Variants in GAB4 observed in about 807,000 individuals in gnomAD.
The protein encoded by GAB4 is GRB2 associated binding protein family member 4.
A neutral mutation model predicts 51.3 loss-of-function variants in GAB4; 26 were observed. The observed-to-expected ratio is 0.51, with a 90% CI of 0.37 to 0.70. The LOEUF is 0.70. Among genes scored for constraint, GAB4 ranks in the 30% least tolerant of loss-of-function variants. GAB4 has a pLI of 0.00. For missense variants in GAB4, 759 were observed against 734.6 expected (o/e 1.03, Z -0.38); for synonymous variants, 329 against 291.2 (o/e 1.13, Z -1.32).
intron 1 of GAB4, among the ~76,000 whole-genome samples, chr22:17,006,536 A>G (rs1488887473): frequency 1.3e-5 from 2 of 152,228 alleles, no homozygotes; most frequent in African/African-American, 4.8e-5. Context: ...AAATCATTCT[A>G]CTATAAAGAC....
rs2060640704 is a variant in GAB4 at position 16,962,894 on chromosome 22, G to T, written c.1582-18C>A. On this transcript the variant is annotated intron_variant, in intron 9 of 9. Transcript: ENST00000400588. ...ATGGATGGCTGAGGGACAGAGGGTG[G>T]AAGTGGGAGTGGCAGTGTCTGTGAG... is the stretch of plus-strand genomic sequence containing the variant. 1 of 1,605,924 alleles carries T rather than the reference G, an allele frequency of 6.2e-7. No homozygotes were observed. The highest frequency in any genetic ancestry group is 1.7e-5 in the Admixed American group (1 of 59,682).
intron 3 of GAB4, among the ~76,000 whole-genome samples, chr22:16,986,591 G>A (rs2060869970): frequency 6.6e-6 from 1 of 152,218 alleles, no homozygotes; most frequent in Admixed American, 6.5e-5. Flanking sequence ...TCCCAGAAAA[G>A]TGGCAGAACC....
At chr22:16,989,126 G>A (rs934973932) in intron 2 of GAB4, among the ~76,000 whole-genome samples, 2 of 152,130 alleles carry the variant, frequency 1.3e-5, no homozygotes, top group Non-Finnish European at 2.9e-5. Context: ...CAGAAGCCAG[G>A]TACATAGATA....
chr22:16,987,844 A>T, intron 3 of GAB4, 116 bp downstream of exon 3: 1 of 759,576 alleles, frequency 1.3e-6, no homozygotes, highest in Non-Finnish European at 2.1e-6. Context: ...ATGTTTGCTT[A>T]CCTGGAAAGA....
rs1601298878 is a variant in GAB4 at position 17,008,104 on chromosome 22, G to A, written c.11C>T (p.Pro4Leu). 1 of 1,604,476 alleles carries A rather than the reference G, an allele frequency of 6.2e-7. No homozygotes were observed. Among genetic ancestry groups the A allele is most frequent in the South Asian group, 1.1e-5 (1 of 89,570 alleles). The change falls in exon 1 of 10, where the codon CCG (proline) becomes CTG (leucine). Residue 4 changes from proline to leucine, a missense_variant. Physicochemically the swap from Pro to Leu is moderately conservative, Grantham distance 98. Around this residue, in one of 3 missense-constraint regions of GAB4, gnomAD observed 83 missense variants for 73.1 expected, o/e 1.14. Transcript: ENST00000400588. ...CAGCTCCCGGGAGGGTGAGGGGGAC[G>A]GCAGGGACATGGGGGCTGCAGCTCA... is the stretch of plus-strand genomic sequence containing the variant. MSL[P>L]SPSPSRELCP... is the part of the protein sequence containing the mutation.
At chr22:17,007,803 C>A (rs1349097010) in intron 1 of GAB4, 138 bp downstream of exon 1, 4 of 749,960 alleles carry the variant, frequency 5.3e-6, no homozygotes, top group African/African-American at 5.3e-5. Context: ...GGCGGGGAGT[C>A]GCCTTCGCAT....
chr22:16,990,976 C>A (rs541573383), intron 2 of GAB4, among the ~76,000 whole-genome samples: 23 of 152,058 alleles, frequency 1.5e-4, no homozygotes, highest in African/African-American at 5.1e-4. Flanking sequence ...ATGGTTTTTA[C>A]ATTTTCAAAG....
At chr22:16,981,477 C>T (rs868580876) in intron 3 of GAB4, among the ~76,000 whole-genome samples, 21 of 151,882 alleles carry the variant, frequency 1.4e-4, no homozygotes, top group Middle Eastern at 3.4e-3. Context: ...TTCAAAGGAC[C>T]ATCAGAGACT....
chr22:16,996,865 A>G (rs1485859990), intron 1 of GAB4, among the ~76,000 whole-genome samples: 3 of 132,112 alleles, frequency 2.3e-5, no homozygotes, highest in African/African-American at 5.9e-5. Context: ...CCTGTGTCCA[A>G]GTGTTCTCAT....
chr22:16,994,848 C>T (rs1035888018), intron 1 of GAB4, among the ~76,000 whole-genome samples: 2 of 152,174 alleles, frequency 1.3e-5, no homozygotes, highest in Admixed American at 1.3e-4. Context: ...CACAGACATC[C>T]TTGCTTTGTT....
chr22:16,965,984 C>T, intron 6 of GAB4, 116 bp downstream of exon 6: 1 of 931,340 alleles, frequency 1.1e-6, no homozygotes, highest in Non-Finnish European at 1.7e-6. Context: ...AACTGAGGCT[C>T]AGAGAATTCA....
intron 7 of GAB4, 69 bp from the exon 8 acceptor site, chr22:16,964,931 C>T: frequency 8.5e-7 from 1 of 1,180,242 alleles, no homozygotes; most frequent in Non-Finnish European, 1.2e-6. Context: ...GCTCCAGCCT[C>T]CAGCTGGGCC....
chr22:16,965,038 G>A (rs145604941), intron 7 of GAB4, 140 bp downstream of exon 7: 6 of 733,750 alleles, frequency 8.2e-6, no homozygotes, highest in Admixed American at 2.8e-5. Context: ...AGGCCGTCAC[G>A]CCTCATGAGA....
intron 5 of GAB4, chr22:16,967,465 C>T (rs576722580): frequency 2.0e-5 from 3 of 152,472 alleles, no homozygotes; most frequent in South Asian, 2.1e-4. Flanking sequence ...GCAAGGATCA[C>T]ATCAGATGTC....
At chr22:17,007,884 C>T in intron 1 of GAB4, 57 bp downstream of exon 1, 1 of 1,467,984 alleles carries the variant, frequency 6.8e-7, no homozygotes. Context: ...CACGCCCCTC[C>T]CGGAGTCCCC....
Position 16,962,749 on chromosome 22 carries a change from C to A in GAB4, c.1709G>T (p.Arg570Met), listed in dbSNP as rs747680100. 3 of 1,611,930 alleles carry A rather than the reference C, an allele frequency of 1.9e-6. No individual in the cohort carries two copies. In the African/African-American group the frequency reaches 4.0e-5, roughly 22 times the overall value. Residue 570 changes from arginine (R) to methionine (M), a missense_variant, in exon 10 of 10, where the codon AGG becomes ATG. Physicochemically the swap from Arg to Met is moderately conservative, Grantham distance 91. Transcript: ENST00000400588. ...TGGCCCGAGTCACAGCTTGGCGCCCCTGGGAGGCTCTGAGGACTGCCGCAG... is the reference window on the plus strand; with the variant it reads ...TGGCCCGAGTCACAGCTTGGCGCCCATGGGAGGCTCTGAGGACTGCCGCAG... Reference protein sequence around the residue: ...MCLRQSSEPPRGAKL With the variant: ...MCLRQSSEPPMGAKL
In GAB4 at chr22:16,988,451, TC is replaced by T. The variant is rs149750223; in HGVS notation, c.479-285del. Among the ~76,000 whole-genome samples, 981 of 152,292 alleles carry T rather than the reference TC, an allele frequency of 6.4e-3. 10 individuals carry two copies. The highest frequency in any genetic ancestry group is 0.017 in the Middle Eastern group (5 of 294). ...GGTTCCCCACAGTCCAGGAGTGTGG[TC>T]CGGGCCCCCAGGCAAGACAGCCTCT... On this transcript the variant is annotated intron_variant, in intron 2 of 9. Transcript: ENST00000400588.
rs545579883 is a variant in GAB4 at position 16,994,314 on chromosome 22, G to A, written c.175-2138C>T. ...CTCACTTAATCTCCCAGCATAAACC[G>A]TACCCAATAAGCCTTGGATTGAAAA... On this transcript the variant is annotated intron_variant, in intron 1 of 9. Transcript: ENST00000400588. 1.5e-4 allele frequency among the ~76,000 whole-genome samples: 23 copies of A among 152,248 alleles called. No homozygotes were observed. The South Asian group carries it at 3.3e-3, about 22-fold the overall frequency.
chr22:16,997,696 A>G (rs921745289), intron 1 of GAB4, among the ~76,000 whole-genome samples: 1 of 152,058 alleles, frequency 6.6e-6, no homozygotes, highest in Non-Finnish European at 1.5e-5. Flanking sequence ...TTGGTGTTTT[A>G]ATTATGAAGT....
Sources: allele counts gnomAD v4.1 joint callset (sites outside exome capture counted in the v4.1 genomes callset), GRCh38; gene constraint gnomAD v4.1.1; regional missense constraint gnomAD v4.1.1; transcripts MANE v1.5; gene names NCBI Gene and HGNC (gene_info 2026-07-23, HGNC 2026-07-21).